PSMF1: variants seen among roughly 807,000 people sequenced by gnomAD.
PSMF1 encodes the protein proteasome inhibitor subunit 1, also known as proteasome inhibitor PI31 subunit.
Under a neutral mutation model 29.3 loss-of-function variants are expected in PSMF1, and 30 were observed. The observed-to-expected ratio is 1.02, with a 90% CI of 0.77 to 1.39. The LOEUF (loss-of-function observed/expected upper bound fraction) is 1.39. Among genes scored for constraint, PSMF1 ranks in the 40% most tolerant of loss-of-function variants. The probability of loss-of-function intolerance (pLI) is 0.00; values close to 1 mark genes in which losing one functional copy is unlikely to be tolerated. For synonymous variants in PSMF1, 134 were observed against 139.7 expected, an observed-to-expected ratio of 0.96 and a Z score of 0.29; for missense variants, 344 against 357.5, an observed-to-expected ratio of 0.96 and a Z score of 0.31.
At chr20:1,129,267 G>A (rs1042805721) in intron 3 of PSMF1, among the ~76,000 whole-genome samples, 1 of 152,162 alleles carries the variant, frequency 6.6e-6, no homozygotes, top group African/African-American at 2.4e-5. Context: ...TTACAGGTGT[G>A]AGCTACCGCA....
chr20:1,168,808 C>T lies in PSMF1; in HGVS notation c.*3728C>T, dbSNP rs1054701254. On this transcript the variant is annotated 3_prime_UTR_variant, in exon 7 of 7. Coordinates refer to ENST00000335877, the MANE Select transcript of PSMF1 (RefSeq NM_006814.5). ...CTATGGAGCAGTTAGTATTCTTTGTCACCTAAATTTGTCTACTTCTGTACA... is the reference window on the plus strand; with the variant it reads ...CTATGGAGCAGTTAGTATTCTTTGTTACCTAAATTTGTCTACTTCTGTACA... Among the ~76,000 whole-genome samples the T allele has an allele frequency of 1.3e-5, 2 of 152,180 alleles. No homozygotes were observed. Among genetic ancestry groups the T allele is most frequent in the Non-Finnish European group, 2.9e-5 (2 of 68,040 alleles).
At chr20:1,161,221 G>A in intron 4 of PSMF1, 1 of 322,224 alleles carries the variant, frequency 3.1e-6, no homozygotes, top group Non-Finnish European at 6.1e-6. Context: ...GAGAAGCAGT[G>A]CTGCGTCGCC....
intron 4 of PSMF1, among the ~76,000 whole-genome samples, chr20:1,142,445 G>T (rs1432176646): frequency 7.7e-6 from 1 of 129,282 alleles, no homozygotes; most frequent in Non-Finnish European, 1.6e-5. Context: ...AACAGGCCCC[G>T]GTGTGTGATG....
intron 4 of PSMF1, among the ~76,000 whole-genome samples, chr20:1,153,650 A>C (rs1279594205): frequency 6.6e-6 from 1 of 152,168 alleles, no homozygotes; most frequent in Non-Finnish European, 1.5e-5. Context: ...AATTCCATCT[A>C]CCACAATCTG....
upstream of PSMF1, among the ~76,000 whole-genome samples, chr20:1,116,186 C>G (rs2086010786): frequency 6.6e-6 from 1 of 152,080 alleles, no homozygotes; most frequent in South Asian, 2.1e-4. Context: ...GGCAGCCCAG[C>G]CTATGAAAGT....
chr20:1,147,221 G>C (rs1353157460), intron 4 of PSMF1, among the ~76,000 whole-genome samples: 1 of 152,054 alleles, frequency 6.6e-6, no homozygotes, highest in African/African-American at 2.4e-5. Context: ...TTTCTTGGCT[G>C]TTCACCATGC....
Position 1,127,476 on chromosome 20 carries a change from T to G in PSMF1, c.333T>G (p.Tyr111Ter). 1 of 1,608,588 alleles carries G rather than the reference T, an allele frequency of 6.2e-7. No homozygotes were observed. The highest frequency in any genetic ancestry group is 8.5e-7 in the Non-Finnish European group (1 of 1,174,880). The change falls in exon 3 of 7, where the codon TAT becomes TAG. Residue 111 changes from tyrosine to a stop codon, truncating the protein, a stop_gained. Coordinates refer to ENST00000335877, the MANE Select transcript of PSMF1 (RefSeq NM_006814.5). LOFTEE classifies it high-confidence loss of function. The part of the protein sequence containing the change: ...VADLTLNLDD[Y>*]IDAEHLGDFH... The stretch of plus-strand genomic sequence containing the variant: ...ACTTGACCCTGAACTTGGATGATTA[T>G]ATCGATGCAGAACACCTGGGTGACT...
At chr20:1,153,402 GTGT>G (rs963756253) in intron 4 of PSMF1, among the ~76,000 whole-genome samples, 5 of 151,936 alleles carry the variant, frequency 3.3e-5, no homozygotes, top group African/African-American at 1.2e-4. Context: ...TTCTTCTCAT[GTGT>G]CTGCCACCTC....
At chr20:1,133,059 T>C (rs1171042774) in intron 3 of PSMF1, among the ~76,000 whole-genome samples, 1 of 150,770 alleles carries the variant, frequency 6.6e-6, no homozygotes, top group Admixed American at 6.6e-5. Context: ...CCTTACTTGC[T>C]AATATGAATG....
Position 1,133,569 on chromosome 20 carries a change from A to ATATATATATATATATATATATT in PSMF1, c.366-1551_366-1550insATATATATATATATATATATTT. 7.9e-3 allele frequency among the ~76,000 whole-genome samples: 422 copies of ATATATATATATATATATATATT among 53,134 alleles called. 7 individuals carry two copies. Among genetic ancestry groups the ATATATATATATATATATATATT allele is most frequent in the Non-Finnish European group, 0.014 (310 of 21,784 alleles). 34.9% of individuals were successfully genotyped at this position (53,134 alleles called of 152,430 possible). Reference sequence around the variant, plus strand: ...TCTATATATGTGTATATATATATATATTTTTTTTTTTTTTTTGGTGTAGTC... The same window carrying ATATATATATATATATATATATT: ...TCTATATATGTGTATATATATATATATATATATATATATATATATATTTTTTTTTTTTTTTTTTGGTGTAGTC... On this transcript the variant is annotated intron_variant, in intron 3 of 6. Transcript: ENST00000335877.
chr20:1,168,215 G>C lies in PSMF1; in HGVS notation c.*3135G>C, dbSNP rs1372679800. ...CAGAGCAGTTGATTTGACTTTTGGG[G>C]ATGGTTCTAGGCTGGATGTGATACA... On this transcript the variant is annotated 3_prime_UTR_variant, in exon 7 of 7. Coordinates refer to ENST00000335877, the MANE Select transcript of PSMF1 (RefSeq NM_006814.5). 1 of 152,274 alleles carries C rather than the reference G, an allele frequency of 6.6e-6. No individual in the cohort carries two copies. Among genetic ancestry groups the C allele is most frequent in the Non-Finnish European group, 1.5e-5 (1 of 68,076 alleles). 9.4% of individuals were successfully genotyped at this position (152,274 alleles called of 1,614,324 possible).
At chr20:1,122,140 G>A (rs1167074862) in intron 1 of PSMF1, among the ~76,000 whole-genome samples, 1 of 152,118 alleles carries the variant, frequency 6.6e-6, no homozygotes, top group Non-Finnish European at 1.5e-5. Flanking sequence ...GGCCAGTCTT[G>A]TGGACCTGGC....
rs556673673 is a variant in PSMF1 at position 1,133,847 on chromosome 20, T to C, written c.366-1274T>C. On this transcript the variant is annotated intron_variant, in intron 3 of 6. Transcript: ENST00000335877. ...TTCAGATTATCTATTTCATTTTGGC[T>C]GAGTTGTAGTTTATGGTTTTTAAGA... 8.6e-5 allele frequency among the ~76,000 whole-genome samples: 13 copies of C among 152,044 alleles called. 1 individual carries two copies. In the East Asian group the frequency reaches 2.5e-3, roughly 29 times the overall value.
chr20:1,151,024 A>C (rs951792761), intron 4 of PSMF1, among the ~76,000 whole-genome samples: 4 of 152,196 alleles, frequency 2.6e-5, no homozygotes, highest in African/African-American at 9.6e-5. Flanking sequence ...TCCTCTACCT[A>C]TGTTACTTTA....
At chr20:1,122,462 A>C (rs998479404) in intron 1 of PSMF1, among the ~76,000 whole-genome samples, 4 of 151,654 alleles carry the variant, frequency 2.6e-5, no homozygotes, top group African/African-American at 9.7e-5. Context: ...ATGCCTGGCT[A>C]ATTTTTTTTG....
At chr20:1,131,832 C>T (rs917264614) in intron 3 of PSMF1, among the ~76,000 whole-genome samples, 8 of 152,158 alleles carry the variant, frequency 5.3e-5, no homozygotes, top group Non-Finnish European at 1.0e-4. Flanking sequence ...TGTGTGAGAA[C>T]TTCTCCTTCA....
chr20:1,138,837 A>AC (rs143574101), intron 4 of PSMF1, among the ~76,000 whole-genome samples: 25 of 150,510 alleles, frequency 1.7e-4, no homozygotes, highest in South Asian at 6.3e-4. Context: ...AAACAAACAA[A>AC]AAAAAACAAA....
At chr20:1,162,856 A>C (rs2086683646) in intron 4 of PSMF1, among the ~76,000 whole-genome samples, 1 of 152,226 alleles carries the variant, frequency 6.6e-6, no homozygotes, top group Non-Finnish European at 1.5e-5. Context: ...AAAGTTGTGA[A>C]TAAAATTTAT....
Position 1,166,383 on chromosome 20 carries a change from C to T in PSMF1, c.*1303C>T. On this transcript the variant is annotated 3_prime_UTR_variant, in exon 7 of 7. Transcript: ENST00000335877. ...ATGTGGATCCTTTCATTTCTCAGCT[C>T]CCTGGATTCCTTCCCCTAAATTAGG... 1 of 1,032,600 alleles carries T rather than the reference C, an allele frequency of 9.7e-7. No individual in the cohort carries two copies. The highest frequency in any genetic ancestry group is 2.6e-5 in the East Asian group (1 of 38,306). 64.0% of individuals were successfully genotyped at this position (1,032,600 alleles called of 1,614,324 possible).
Sources: gnomAD v4.1 joint callset for allele counts (sites outside exome capture counted in the v4.1 genomes callset) on GRCh38, gnomAD v4.1.1 for gene constraint, MANE v1.5 for transcripts, NCBI Gene and HGNC (gene_info 2026-07-23, HGNC 2026-07-21) for gene names.